Variants in EYS observed in about 807,000 individuals in gnomAD.
EYS encodes protein eyes shut homolog.
EYS carries 250 observed loss-of-function variants against 282.1 expected under a neutral mutation model. That is an observed-to-expected ratio of 0.89 (90% CI 0.80 to 0.98). The LOEUF (loss-of-function observed/expected upper bound fraction) is 0.98, where lower values mean the gene tolerates loss of function less well. Among genes scored for constraint, EYS ranks in the 50% least tolerant of loss-of-function variants. EYS has a pLI of 0.00. For synonymous variants in EYS, 1,355 were observed against 1,282.9 expected, an observed-to-expected ratio of 1.06 and a Z score of -1.20; for missense variants, 4,016 against 3,709.0, an observed-to-expected ratio of 1.08 and a Z score of -2.15.
intron 14 of EYS, among the ~76,000 whole-genome samples, chr6:64,951,912 A>G (rs1405609514): frequency 6.6e-6 from 1 of 151,964 alleles, no homozygotes; most frequent in African/African-American, 2.4e-5. Context: ...ATATTTGAAA[A>G]ATTGCTGCCT....
At chr6:65,046,022 C>T (rs771220160) in intron 13 of EYS, among the ~76,000 whole-genome samples, 1 of 151,946 alleles carries the variant, frequency 6.6e-6, no homozygotes, top group Non-Finnish European at 1.5e-5. Context: ...TTTTGTCCCT[C>T]TTAAGCAACA....
At chr6:64,801,740 C>G (rs2132280) in intron 22 of EYS, among the ~76,000 whole-genome samples, 75,814 of 151,756 alleles carry the variant, frequency 0.5, 20,143 homozygotes, top group Admixed American at 0.63. Flanking sequence ...AAAATCATAC[C>G]ATAATTTTAT....
At chr6:64,729,358 T>C (rs544456969) in intron 22 of EYS, among the ~76,000 whole-genome samples, 1 of 152,204 alleles carries the variant, frequency 6.6e-6, no homozygotes, top group East Asian at 1.9e-4. Flanking sequence ...CCCTACCCAA[T>C]TGATGTTGAA....
At chr6:65,533,702 T>C (rs1470765542) in intron 2 of EYS, among the ~76,000 whole-genome samples, 1 of 152,086 alleles carries the variant, frequency 6.6e-6, no homozygotes, top group African/African-American at 2.4e-5. Flanking sequence ...TGAGGACACA[T>C]AGAAGATGCC....
At position 64,902,436 on chromosome 6, in the gene EYS, A is replaced by G. The variant is rs1315692382; in HGVS notation, c.2706T>C (p.Tyr902=). The G allele has an allele frequency of 5.2e-6, 8 of 1,535,022 alleles. No individual in the cohort carries two copies. The highest frequency in any genetic ancestry group is 1.4e-5 in the African/African-American group (1 of 71,910). ...TGTTGACCATATCTTCACAGTCACCATAATCCTGGCAGGAAAGGAAGAGGC... is the reference window on the plus strand; with the variant it reads ...TGTTGACCATATCTTCACAGTCACCGTAATCCTGGCAGGAAAGGAAGAGGC... The part of the protein sequence containing the change: ...KDCLFLSCQD[Y]GDCEDMVNNF... The change falls in exon 17 of 43, where the codon TAT becomes TAC. Residue 902 remains tyrosine, a synonymous_variant. Coordinates refer to ENST00000503581, the MANE Select transcript of EYS (RefSeq NM_001142800.2).
chr6:64,340,557 T>C (rs1438809473), intron 29 of EYS, among the ~76,000 whole-genome samples: 1 of 151,808 alleles, frequency 6.6e-6, no homozygotes, highest in African/African-American at 2.4e-5. Flanking sequence ...TTTCACTGTA[T>C]ACAACAATTA....
intron 12 of EYS, among the ~76,000 whole-genome samples, chr6:65,267,420 A>C (rs1330465615): frequency 1.3e-5 from 2 of 151,974 alleles, no homozygotes; most frequent in African/African-American, 4.8e-5. Context: ...TGAGAGGCAC[A>C]GTCTTTATAA....
chr6:65,323,042 C>G (rs1769520355), intron 11 of EYS, among the ~76,000 whole-genome samples: 1 of 150,816 alleles, frequency 6.6e-6, no homozygotes, highest in Non-Finnish European at 1.5e-5. Flanking sequence ...CTTTACTTGT[C>G]TCATGTTTTC....
At chr6:64,268,244 A>G (rs1303763150) in intron 30 of EYS, among the ~76,000 whole-genome samples, 6 of 152,116 alleles carry the variant, frequency 3.9e-5, no homozygotes, top group Non-Finnish European at 8.8e-5. Context: ...TATTGTTAAA[A>G]AAGAACATCA....
intron 11 of EYS, among the ~76,000 whole-genome samples, chr6:65,327,364 T>C (rs1769653160): frequency 6.6e-6 from 1 of 151,734 alleles, no homozygotes; most frequent in South Asian, 2.1e-4. Context: ...ATGTCTTTTA[T>C]GTGTTTATAA....
chr6:64,443,094 A>AAGCCAC (rs1197347665), intron 26 of EYS, among the ~76,000 whole-genome samples: 1 of 152,196 alleles, frequency 6.6e-6, no homozygotes, highest in Non-Finnish European at 1.5e-5. Context: ...GTACCCTGCA[A>AAGCCAC]AGCCACAGTT....
At chr6:64,771,409 T>G (rs976996800) in intron 22 of EYS, among the ~76,000 whole-genome samples, 1 of 151,638 alleles carries the variant, frequency 6.6e-6, no homozygotes, top group East Asian at 1.9e-4. Context: ...TTTTGATTTC[T>G]ATTTTACTTA....
chr6:65,603,845 T>A lies in EYS; in HGVS notation c.-333+35933A>T, dbSNP rs143967617. Among the ~76,000 whole-genome samples the A allele has an allele frequency of 5.7e-4, 87 of 152,092 alleles. 2 individuals carry two copies. Among genetic ancestry groups the A allele is most frequent in the Middle Eastern group, 3.4e-3 (1 of 290 alleles). On this transcript the variant is annotated intron_variant, in intron 2 of 42. Coordinates refer to ENST00000503581, the MANE Select transcript of EYS (RefSeq NM_001142800.2). ...GTTATGATTGTTTGGGGTACTTCCT[T>A]GATTTTTCACATTTAAAAATAAAAC...
chr6:65,170,244 A>T (rs1765073931), intron 12 of EYS, among the ~76,000 whole-genome samples: 1 of 151,432 alleles, frequency 6.6e-6, no homozygotes, highest in Non-Finnish European at 1.5e-5. Flanking sequence ...ACACACACAC[A>T]CAGAGAGAGG....
intron 22 of EYS, among the ~76,000 whole-genome samples, chr6:64,769,207 T>G (rs1773450095): frequency 6.6e-6 from 1 of 152,076 alleles, no homozygotes; most frequent in African/African-American, 2.4e-5. Flanking sequence ...CTTTTTAGGT[T>G]TATAGATGTT....
At chr6:65,079,274 T>C (rs984831833) in intron 12 of EYS, among the ~76,000 whole-genome samples, 1 of 152,082 alleles carries the variant, frequency 6.6e-6, no homozygotes, top group Non-Finnish European at 1.5e-5. Flanking sequence ...AGTAGACACA[T>C]GGTTGAACAC....
At chr6:65,326,359 T>C (rs950657955) in intron 11 of EYS, among the ~76,000 whole-genome samples, 1 of 151,532 alleles carries the variant, frequency 6.6e-6, no homozygotes. Flanking sequence ...TTTCTACCAT[T>C]GATTAGAAAT....
At chr6:64,942,830 A>G (rs1228100490) in intron 15 of EYS, among the ~76,000 whole-genome samples, 1 of 145,458 alleles carries the variant, frequency 6.9e-6, no homozygotes, top group East Asian at 1.9e-4. Context: ...ACTCTTCCAA[A>G]AAAAAAAAAA....
At position 65,579,296 on chromosome 6, in the gene EYS, T is replaced by G. The variant is rs112472216; in HGVS notation, c.-333+60482A>C. 4.5e-3 allele frequency among the ~76,000 whole-genome samples: 687 copies of G among 152,178 alleles called. 7 individuals carry two copies. The highest frequency in any genetic ancestry group is 0.016 in the African/African-American group (659 of 41,530). On this transcript the variant is annotated intron_variant, in intron 2 of 42. Transcript: ENST00000503581. The stretch of plus-strand genomic sequence containing the variant: ...TGAATATGAGGCAGCTTTATAGACA[T>G]TGAAATACAAGGATTTCCAAAGTAT...
Sources: gnomAD v4.1 joint callset for allele counts (sites outside exome capture counted in the v4.1 genomes callset) on GRCh38, gnomAD v4.1.1 for gene constraint, MANE v1.5 for transcripts, NCBI Gene and HGNC (gene_info 2026-07-23, HGNC 2026-07-21) for gene names.